FILIP1L: variants seen among roughly 807,000 people sequenced by gnomAD.
FILIP1L encodes the protein filamin A interacting protein 1 like, also known as filamin A-interacting protein 1-like.
FILIP1L carries 55 observed loss-of-function variants against 96.6 expected under a neutral mutation model. The observed-to-expected ratio is 0.57, with a 90% CI of 0.46 to 0.71. The LOEUF is 0.71. Ranked by LOEUF, FILIP1L falls within the 30% of genes least tolerant of loss-of-function variation. FILIP1L has a pLI of 0.00. For missense variants in FILIP1L, 1,304 were observed against 1,321.2 expected (o/e 0.99, Z 0.20); for synonymous variants, 467 against 473.9 (o/e 0.99, Z 0.19).
chr3:99,950,855 A>AAGAG, intron 1 of FILIP1L, among the ~76,000 whole-genome samples: 2 of 150,214 alleles, frequency 1.3e-5, no homozygotes, highest in Middle Eastern at 3.4e-3. Context: ...AGTAAAAATA[A>AAGAG]AGAGAGAGAG....
At chr3:99,980,174 T>C (rs1323007378) in intron 1 of FILIP1L, among the ~76,000 whole-genome samples, 1 of 152,102 alleles carries the variant, frequency 6.6e-6, no homozygotes, top group Admixed American at 6.5e-5. Context: ...TTGGAGTAGT[T>C]TATTGGACAC....
intron 4 of FILIP1L, among the ~76,000 whole-genome samples, chr3:99,872,031 T>A (rs1407532892): frequency 6.6e-6 from 1 of 152,176 alleles, no homozygotes; most frequent in East Asian, 1.9e-4. Context: ...ACACCTACAG[T>A]ACTGAGGCTT....
chr3:99,865,978 C>T (rs932219912), intron 4 of FILIP1L, among the ~76,000 whole-genome samples: 1 of 151,958 alleles, frequency 6.6e-6, no homozygotes, highest in Admixed American at 6.6e-5. Flanking sequence ...TCCCAGGTCA[C>T]AGGTTATTTT....
intron 1 of FILIP1L, among the ~76,000 whole-genome samples, chr3:99,981,596 G>C (rs906525206): frequency 5.9e-5 from 9 of 152,126 alleles, no homozygotes; most frequent in Non-Finnish European, 1.2e-4. Flanking sequence ...ATTTAATGCA[G>C]ATTTAATGTA....
At chr3:99,986,530 T>C (rs1709347109) in intron 1 of FILIP1L, among the ~76,000 whole-genome samples, 1 of 152,228 alleles carries the variant, frequency 6.6e-6, no homozygotes, top group Admixed American at 6.5e-5. Flanking sequence ...ACAGGGCTTA[T>C]ATGAGGTTGG....
At chr3:99,970,045 A>G (rs769580517) in intron 1 of FILIP1L, among the ~76,000 whole-genome samples, 2 of 152,226 alleles carry the variant, frequency 1.3e-5, no homozygotes, top group Non-Finnish European at 2.9e-5. Flanking sequence ...TTGGCTTAAA[A>G]TTTGGATAAG....
At chr3:99,909,295 G>A (rs1051456845) in intron 4 of FILIP1L, among the ~76,000 whole-genome samples, 13 of 152,144 alleles carry the variant, frequency 8.5e-5, no homozygotes, top group Admixed American at 7.9e-4. Context: ...GTTTGGTGGT[G>A]CTACCTGCAA....
At chr3:99,932,674 G>A (rs1467957457) in intron 1 of FILIP1L, among the ~76,000 whole-genome samples, 1 of 152,102 alleles carries the variant, frequency 6.6e-6, no homozygotes, top group Non-Finnish European at 1.5e-5. Flanking sequence ...CGGATTACCC[G>A]AGGTCAGGAG....
intron 5 of FILIP1L, among the ~76,000 whole-genome samples, chr3:99,831,346 A>G (rs566519696): frequency 1.3e-5 from 2 of 152,368 alleles, no homozygotes; most frequent in African/African-American, 4.8e-5. Flanking sequence ...AAATGCACCC[A>G]TGCTATTGGT....
rs1576511779 is a variant in FILIP1L at position 99,850,865 on chromosome 3, G to A, written c.811C>T (p.His271Tyr). Reference protein sequence around the residue: ...QELTTNAKETHTKLALAEARV... With the variant: ...QELTTNAKETYTKLALAEARV... ...GCTTCAGCAAGGGCTAGTTTGGTAT[G>A]TGTTTCCTTTGCATTTGTGGTCAGC... Residue 271 changes from histidine (H) to tyrosine (Y), a missense_variant, in exon 5 of 6, where the codon CAT becomes TAT. His to Tyr is a moderately conservative substitution (Grantham distance 83, BLOSUM62 2). Coordinates refer to ENST00000477258, the MANE Select transcript of FILIP1L (RefSeq NM_001387850.1). 1 of 1,614,142 alleles carries A rather than the reference G, an allele frequency of 6.2e-7. No homozygotes were observed. The highest frequency in any genetic ancestry group is 8.5e-7 in the Non-Finnish European group (1 of 1,180,012).
chr3:99,978,079 A>G (rs951542575), intron 1 of FILIP1L, among the ~76,000 whole-genome samples: 4 of 152,190 alleles, frequency 2.6e-5, no homozygotes, highest in African/African-American at 9.7e-5. Flanking sequence ...TCAAAAGAAA[A>G]CATTTTTAAA....
chr3:100,096,528 A>T (rs970216782), intron 1 of FILIP1L, among the ~76,000 whole-genome samples: 2 of 147,514 alleles, frequency 1.4e-5, no homozygotes, highest in Middle Eastern at 3.4e-3. Context: ...CAAACATCAC[A>T]TGTTCTGACT....
intron 1 of FILIP1L, among the ~76,000 whole-genome samples, chr3:99,943,943 A>G (rs1489224172): frequency 6.6e-6 from 1 of 152,226 alleles, no homozygotes; most frequent in East Asian, 1.9e-4. Context: ...AGGATTAGAG[A>G]TGACACATAC....
At chr3:100,083,082 TAAATA>T (rs2065956291) in intron 1 of FILIP1L, among the ~76,000 whole-genome samples, 1 of 152,220 alleles carries the variant, frequency 6.6e-6, no homozygotes. Flanking sequence ...TTTCCAGGTC[TAAATA>T]AAATCATGTA....
In FILIP1L at chr3:99,840,206, A is replaced by T. The variant is rs114495150; in HGVS notation, c.3381+8089T>A. On this transcript the variant is annotated intron_variant, in intron 5 of 5. Transcript: ENST00000477258. The stretch of plus-strand genomic sequence containing the variant: ...GCTGATAGGATTAGGGGTAAAAGAA[A>T]TTAATTCGTAGAATCTTTTTTTTTT... Among the ~76,000 whole-genome samples, 995 of 149,142 alleles carry T rather than the reference A, an allele frequency of 6.7e-3. 15 individuals are homozygous for T. The highest frequency in any genetic ancestry group is 0.023 in the African/African-American group (920 of 40,442).
At chr3:99,848,167 TC>T (rs1470036067) in intron 5 of FILIP1L, 127 bp downstream of exon 5, 1 of 1,532,970 alleles carries the variant, frequency 6.5e-7, no homozygotes, top group African/African-American at 1.4e-5. Flanking sequence ...GCACAAACCT[TC>T]CCAAAGTACG....
chr3:99,935,187 TG>T (rs1293590634), intron 1 of FILIP1L, among the ~76,000 whole-genome samples: 1 of 151,970 alleles, frequency 6.6e-6, no homozygotes, highest in African/African-American at 2.4e-5. Flanking sequence ...TTAATGCATC[TG>T]TGCTTGGCCC....
At chr3:99,833,072 G>T in intron 5 of FILIP1L, 1 of 662,102 alleles carries the variant, frequency 1.5e-6, no homozygotes, top group Non-Finnish European at 2.7e-6. Context: ...TCTACTCAGA[G>T]TTGGAGGCTC....
At chr3:100,087,079 A>G (rs761832196) in intron 1 of FILIP1L, among the ~76,000 whole-genome samples, 8 of 152,236 alleles carry the variant, frequency 5.3e-5, no homozygotes, top group Non-Finnish European at 8.8e-5. Context: ...CAGCTGTACC[A>G]TAGTTTGCTA....
Sources: gnomAD v4.1 joint callset for allele counts (sites outside exome capture counted in the v4.1 genomes callset) on GRCh38, gnomAD v4.1.1 for gene constraint, MANE v1.5 for transcripts, NCBI Gene and HGNC (gene_info 2026-07-23, HGNC 2026-07-21) for gene names.